CAGE1: variants seen among roughly 807,000 people sequenced by gnomAD.
The protein encoded by CAGE1 is cancer antigen 1, also known as cancer-associated gene 1 protein.
A neutral mutation model predicts 94.9 loss-of-function variants in CAGE1; 66 were observed. That is an observed-to-expected ratio of 0.70 (90% CI 0.57 to 0.85). CAGE1 has a LOEUF of 0.85. Ranked by LOEUF, CAGE1 falls within the 40% of genes least tolerant of loss-of-function variation. The pLI is 0.00. For missense variants in CAGE1, 865 were observed against 950.4 expected (o/e 0.91, Z 1.18); for synonymous variants, 319 against 321.0 (o/e 0.99, Z 0.07).
intron 9 of CAGE1, among the ~76,000 whole-genome samples, chr6:7,358,046 A>G (rs1322105083): frequency 3.5e-5 from 4 of 114,934 alleles, no homozygotes; most frequent in African/African-American, 1.1e-4. Context: ...ATATATATAT[A>G]TATATATATA....
chr6:7,376,200 T>C (rs1760736555), intron 4 of CAGE1, among the ~76,000 whole-genome samples: 1 of 151,580 alleles, frequency 6.6e-6, no homozygotes, highest in African/African-American at 2.4e-5. Context: ...CCATCCTGGC[T>C]AACACTGTGA....
intron 11 of CAGE1, among the ~76,000 whole-genome samples, chr6:7,345,475 A>G (rs746433678): frequency 6.6e-6 from 1 of 152,196 alleles, no homozygotes; most frequent in African/African-American, 2.4e-5. Flanking sequence ...AAGTCCAGAC[A>G]CAAAATGGCA....
chr6:7,355,926 C>A, intron 10 of CAGE1, 99 bp downstream of exon 10: 1 of 657,800 alleles, frequency 1.5e-6, no homozygotes, highest in Non-Finnish European at 2.6e-6. Context: ...CTTGCTTGAG[C>A]CCAGGGGATT....
intron 11 of CAGE1, among the ~76,000 whole-genome samples, chr6:7,336,007 T>C (rs1248875589): frequency 1.3e-5 from 2 of 152,236 alleles, no homozygotes; most frequent in African/African-American, 2.4e-5. Flanking sequence ...CCCTAGAATA[T>C]AACTTGTAGA....
At chr6:7,385,714 C>A in intron 3 of CAGE1, 71 bp downstream of exon 3, 2 of 801,544 alleles carry the variant, frequency 2.5e-6, no homozygotes, top group Non-Finnish European at 1.9e-6. Flanking sequence ...CAAAACCTGG[C>A]TATTGTTACT....
chr6:7,361,886 A>G, intron 9 of CAGE1, among the ~76,000 whole-genome samples: 1 of 152,240 alleles, frequency 6.6e-6, no homozygotes, highest in Non-Finnish European at 1.5e-5. Context: ...CCCAAGTTTT[A>G]GTGATGATCC....
intron 13 of CAGE1, among the ~76,000 whole-genome samples, chr6:7,328,934 A>ATATTTTTT (rs1388562262): frequency 9.4e-6 from 1 of 106,812 alleles, no homozygotes; most frequent in African/African-American, 4.0e-5. Context: ...ATATATATAT[A>ATATTTTTT]TTTTTTTTTT....
rs70978961 is a variant in CAGE1, at chr6:7,367,278, A to ATTTTTTTTTTTTTTTTTT, written c.2005-1395_2005-1394insAAAAAAAAAAAAAAAAAA. Among the ~76,000 whole-genome samples the ATTTTTTTTTTTTTTTTTT allele has an allele frequency of 5.3e-4, 59 of 111,186 alleles. 1 individual carries two copies. The highest frequency in any genetic ancestry group is 1.9e-3 in the African/African-American group (51 of 26,330). The allele number at this position is 111,186 out of a possible 152,430, so 72.9% of individuals were successfully genotyped here. A position where few individuals can be genotyped will look rare whatever the true frequency, so the allele number is the denominator to read the frequency against. ...AATATCTGAAAGAAATATTTGGGGG[A>ATTTTTTTTTTTTTTTTTT]TTTTTTTTTTTTTTTTGCTTTTTGT... On this transcript the variant is annotated intron_variant, in intron 7 of 13. Coordinates refer to ENST00000502583, the MANE Select transcript of CAGE1 (RefSeq NM_001170692.2).
rs201524651 is a variant in CAGE1 at position 7,374,023 on chromosome 6, A to G, written c.796T>C (p.Ser266Pro). The change falls in exon 5 of 14, where the codon TCA becomes CCA. Residue 266 changes from serine (S) to proline (P), a missense_variant. Transcript: ENST00000502583. ...AEGVERPEIV[S>P]TWSSAGISWR... ...GAAATGCCTGCCGAAGACCAAGTTGAGACAATTTCTGGCCTCTCCACACCC... is the reference window on the plus strand; with the variant it reads ...GAAATGCCTGCCGAAGACCAAGTTGGGACAATTTCTGGCCTCTCCACACCC... 7.3e-5 allele frequency: 118 copies of G among 1,614,044 alleles called. No homozygotes were observed. The East Asian group carries it at 2.6e-3, about 35-fold the overall frequency.
chr6:7,339,309 T>C lies in CAGE1; in HGVS notation c.2370-5219A>G. The C allele has an allele frequency of 6.3e-7, 1 of 1,587,176 alleles. No homozygotes were observed. The highest frequency in any genetic ancestry group is 1.7e-5 in the Admixed American group (1 of 59,954). ...ACCCCTAGTGGCCACCTCTTCAGCA[T>C]AAAGCTCTACACTGCCCTCTGGAGA... On this transcript the variant is annotated intron_variant, in intron 11 of 13. Transcript: ENST00000502583. The surrounding 1 kb of genome is among the most constrained non-coding windows in gnomAD (Gnocchi z 4.7).
chr6:7,347,515 T>TGGGGGGGGGGG (rs1561853738), intron 11 of CAGE1: 1 of 15,350 alleles, frequency 6.5e-5, no homozygotes, highest in Non-Finnish European at 1.2e-4. Context: ...GGGGGGGGGG[T>TGGGGGGGGGGG]TGGGGGGGGC....
intron 11 of CAGE1, among the ~76,000 whole-genome samples, chr6:7,345,551 T>A (rs1296119124): frequency 1.3e-5 from 2 of 152,144 alleles, no homozygotes; most frequent in African/African-American, 4.8e-5. Context: ...CACCAAGTAG[T>A]TTTCTTTCAG....
intron 7 of CAGE1, 119 bp downstream of exon 7, chr6:7,368,569 C>G: frequency 1.8e-6 from 1 of 542,650 alleles, no homozygotes; most frequent in Non-Finnish European, 3.2e-6. Context: ...TAAAACTAAT[C>G]TGGTCCCCCA....
intron 4 of CAGE1, among the ~76,000 whole-genome samples, chr6:7,378,264 GGTGA>G (rs1210254485): frequency 2.6e-5 from 4 of 152,118 alleles, no homozygotes; most frequent in African/African-American, 4.8e-5. Context: ...TGCATAAGAG[GGTGA>G]GTAAGACAGT....
Position 7,387,145 on chromosome 6 carries a change from G to T in CAGE1, c.29C>A (p.Ser10Ter). The change falls in exon 2 of 14, where the codon TCA (serine) becomes TAA (stop). Residue 10 changes from serine to a stop codon, truncating the protein, a stop_gained. Coordinates refer to ENST00000502583, the MANE Select transcript of CAGE1 (RefSeq NM_001170692.2). LOFTEE classifies it high-confidence loss of function. MNKDYQKFW[S>*]SPSDPVHFEV... is the part of the protein sequence containing the mutation. ...AAAATGTACAGGATCTGAAGGTGAT[G>T]ACCAAAATTTTTGATAGTCCTTGTT... The T allele has an allele frequency of 6.4e-7, 1 of 1,551,204 alleles. No individual in the cohort carries two copies. The highest frequency in any genetic ancestry group is 1.2e-5 in the South Asian group (1 of 84,032).
Position 7,341,334 on chromosome 6 carries a change from T to C in CAGE1, c.2370-7244A>G, listed in dbSNP as rs1759166275. On this transcript the variant is annotated intron_variant, in intron 11 of 13. Transcript: ENST00000502583. ...AGAGATGCCAAAATCCTTACTGGTG[T>C]CCCAGATCACATGGGTCCTGTTGTG... 3 of 696,226 alleles carry C rather than the reference T, an allele frequency of 4.3e-6. No individual in the cohort carries two copies. In the Admixed American group the frequency reaches 5.5e-5, roughly 13 times the overall value. 43.1% of individuals were successfully genotyped at this position (696,226 alleles called of 1,614,324 possible).
chr6:7,355,724 G>A (rs1027339110), intron 10 of CAGE1, among the ~76,000 whole-genome samples: 4 of 152,178 alleles, frequency 2.6e-5, no homozygotes, highest in African/African-American at 9.7e-5. Flanking sequence ...GTACCAGGCC[G>A]GGAACAGTGT....
At chr6:7,341,652 G>A in intron 11 of CAGE1, 8 of 736,584 alleles carry the variant, frequency 1.1e-5, no homozygotes, top group South Asian at 1.1e-4. Context: ...CACTCTCCAG[G>A]TGGACAGGAA....
rs1298483775 is a variant in CAGE1 at position 7,373,142 on chromosome 6, A to G, written c.1677T>C (p.Tyr559=). 3 of 1,613,352 alleles carry G rather than the reference A, an allele frequency of 1.9e-6. No homozygotes were observed. Among genetic ancestry groups the G allele is most frequent in the South Asian group, 1.1e-5 (1 of 90,938 alleles). Residue 559 remains tyrosine, a synonymous_variant, in exon 5 of 14, where the codon TAT becomes TAC. Transcript: ENST00000502583. ...QQVARSEEQN[Y]VPKFETAQLK... Reference sequence around the variant, plus strand: ...ACTGAGCTGTCTCAAATTTAGGGACATAATTTTGCTCTTCACTCCTTGCAA... The same window carrying G: ...ACTGAGCTGTCTCAAATTTAGGGACGTAATTTTGCTCTTCACTCCTTGCAA...
Sources: allele counts gnomAD v4.1 joint callset (sites outside exome capture counted in the v4.1 genomes callset), GRCh38; gene constraint gnomAD v4.1.1; non-coding constraint Gnocchi (gnomAD v3.1); transcripts MANE v1.5; gene names NCBI Gene and HGNC (gene_info 2026-07-23, HGNC 2026-07-21).